SLC12A2: variants seen among roughly 807,000 people sequenced by gnomAD.
The protein encoded by SLC12A2 is Na-K-2Cl cotransporter 1.
In SLC12A2, 67 loss-of-function variants were observed where a neutral mutation model predicts 136.3. The observed-to-expected ratio is 0.49, with a 90% CI of 0.40 to 0.60. The LOEUF (loss-of-function observed/expected upper bound fraction) is 0.60, where lower values mean the gene tolerates loss of function less well. SLC12A2 is among the 20% of genes least tolerant of loss of function. The pLI is 0.00. For missense variants in SLC12A2, 1,322 were observed against 1,534.7 expected, an observed-to-expected ratio of 0.86 and a Z score of 2.32; for synonymous variants, 619 against 562.9, an observed-to-expected ratio of 1.10 and a Z score of -1.41.
intron 7 of SLC12A2, among the ~76,000 whole-genome samples, chr5:128,137,168 A>G (rs1332578244): frequency 6.6e-6 from 1 of 152,176 alleles, no homozygotes; most frequent in Non-Finnish European, 1.5e-5. Flanking sequence ...TTGGTTTTCC[A>G]TTTTATTTAG....
At chr5:128,097,010 A>G (rs1383675143) in intron 1 of SLC12A2, among the ~76,000 whole-genome samples, 1 of 152,068 alleles carries the variant, frequency 6.6e-6, no homozygotes, top group African/African-American at 2.4e-5. Flanking sequence ...GAAATTAACA[A>G]TGTTTTAAAT....
intron 13 of SLC12A2, among the ~76,000 whole-genome samples, chr5:128,150,443 A>G (rs1259683221): frequency 6.6e-6 from 1 of 151,798 alleles, no homozygotes; most frequent in East Asian, 1.9e-4. Flanking sequence ...AAATGGTTTT[A>G]ACACGATGAG....
At chr5:128,184,524 C>A in intron 25 of SLC12A2, 23 bp downstream of exon 25, 1 of 1,554,292 alleles carries the variant, frequency 6.4e-7, no homozygotes, top group South Asian at 1.2e-5. Context: ...GCTTCCTTTT[C>A]ATTAATCTTT....
intron 15 of SLC12A2, 30 bp from the exon 16 acceptor site, chr5:128,158,023 A>C (rs1355029378): frequency 6.4e-7 from 1 of 1,559,736 alleles, no homozygotes. Context: ...AAATTTATCT[A>C]ATTTTGTTTG....
At chr5:128,167,626 T>C (rs1763243645) in intron 17 of SLC12A2, 135 bp from the exon 18 acceptor site, 2 of 527,758 alleles carry the variant, frequency 3.8e-6, no homozygotes, top group Non-Finnish European at 6.6e-6. Context: ...TAAGTAAATA[T>C]GAATATGGAA....
chr5:128,152,570 A>G (rs1762738323), intron 14 of SLC12A2, 136 bp from the exon 15 acceptor site: 6 of 650,552 alleles, frequency 9.2e-6, no homozygotes, highest in South Asian at 7.0e-5. Context: ...TATGTGAACT[A>G]TTGAAAGTAC....
At chr5:128,171,571 A>G in intron 18 of SLC12A2, 96 bp from the exon 19 acceptor site, 1 of 762,078 alleles carries the variant, frequency 1.3e-6, no homozygotes, top group Non-Finnish European at 2.2e-6. Context: ...GCCGAAAGTA[A>G]TTTTAGAGAT....
chr5:128,155,817 G>T (rs1762854132), intron 15 of SLC12A2, among the ~76,000 whole-genome samples: 1 of 152,118 alleles, frequency 6.6e-6, no homozygotes, highest in South Asian at 2.1e-4. Context: ...TATCTTAAAG[G>T]CTTTCTTTTT....
At chr5:128,086,166 A>G (rs1448466110) in intron 1 of SLC12A2, among the ~76,000 whole-genome samples, 3 of 152,202 alleles carry the variant, frequency 2.0e-5, no homozygotes, top group African/African-American at 7.2e-5. Context: ...ATCTGTATTT[A>G]CCCATAAGTT....
intron 4 of SLC12A2, among the ~76,000 whole-genome samples, chr5:128,122,763 C>G (rs1761636988): frequency 6.6e-6 from 1 of 152,004 alleles, no homozygotes; most frequent in Middle Eastern, 3.2e-3. Flanking sequence ...CATTGATTGT[C>G]AAATTTTTTT....
Position 128,161,785 on chromosome 5 carries a change from A to G in SLC12A2, c.2601A>G (p.Ala867=). The G allele has an allele frequency of 6.8e-7, 1 of 1,475,418 alleles. No individual in the cohort carries two copies. The highest frequency in any genetic ancestry group is 9.0e-7 in the Non-Finnish European group (1 of 1,115,564). The allele number at this position is 1,475,418 out of a possible 1,614,324, so 91.4% of individuals were successfully genotyped here. Residue 867 remains alanine, a synonymous_variant, in exon 17 of 27, where the codon GCA becomes GCG. Transcript: ENST00000262461. ...ATGCAGATGACTTGAGAGAAGGTGC[A>G]CAGTATTTGATGCAGGTAACTTTGT... ...PVHADDLREG[A]QYLMQAAGLG...
intron 17 of SLC12A2, among the ~76,000 whole-genome samples, chr5:128,165,438 G>A (rs561804767): frequency 7.2e-5 from 11 of 152,128 alleles, no homozygotes; most frequent in South Asian, 2.1e-4. Context: ...TTTGAAATTC[G>A]TGCAATAAGC....
intron 4 of SLC12A2, among the ~76,000 whole-genome samples, chr5:128,129,335 A>T (rs1761932229): frequency 6.6e-6 from 1 of 152,108 alleles, no homozygotes; most frequent in African/African-American, 2.4e-5. Flanking sequence ...TTATAATGTG[A>T]TGTAATATAG....
chr5:128,096,951 G>A (rs1055971508), intron 1 of SLC12A2, among the ~76,000 whole-genome samples: 1 of 151,966 alleles, frequency 6.6e-6, no homozygotes, highest in African/African-American at 2.4e-5. Flanking sequence ...ATAAGAACAG[G>A]ACCTGAATTT....
In SLC12A2 at chr5:128,126,966, A is replaced by ATATATATATATATATATAATTTT; in HGVS notation, c.1049-4100_1049-4099insATATATATATATATATAATTTTT. ...CATATATATATATATATATATATAT[A>ATATATATATATATATATAATTTT]TTTTTTTTTTTTTTTTTTTTTGCAT... On this transcript the variant is annotated intron_variant, in intron 4 of 26. Transcript: ENST00000262461. Among the ~76,000 whole-genome samples, 31 of 21,158 alleles carry ATATATATATATATATATAATTTT rather than the reference A, an allele frequency of 1.5e-3. 1 individual carries two copies. The highest frequency in any genetic ancestry group is 7.2e-3 in the African/African-American group (29 of 4,028). The allele number at this position is 21,158 out of a possible 152,430, so 13.9% of individuals were successfully genotyped here. A position where few individuals can be genotyped will look rare whatever the true frequency, so the allele number is the denominator to read the frequency against.
chr5:128,124,568 A>G (rs890676583), intron 4 of SLC12A2, among the ~76,000 whole-genome samples: 3 of 152,252 alleles, frequency 2.0e-5, no homozygotes, highest in African/African-American at 4.8e-5. Context: ...AAAAGAGTTG[A>G]GTAAAGGATG....
intron 1 of SLC12A2, among the ~76,000 whole-genome samples, chr5:128,101,267 A>G (rs2126652851): frequency 6.6e-6 from 1 of 152,294 alleles, no homozygotes; most frequent in African/African-American, 2.4e-5. Context: ...AACAATTGTT[A>G]GAATAAAACC....
intron 23 of SLC12A2, among the ~76,000 whole-genome samples, chr5:128,181,346 C>A (rs1183721778): frequency 6.6e-6 from 1 of 152,120 alleles, no homozygotes; most frequent in Non-Finnish European, 1.5e-5. Flanking sequence ...GACTTCTAGA[C>A]AACAAAATGC....
intron 1 of SLC12A2, among the ~76,000 whole-genome samples, chr5:128,107,757 G>T (rs1461070027): frequency 1.3e-5 from 2 of 152,162 alleles, no homozygotes; most frequent in Admixed American, 6.5e-5. Context: ...ACACACGTGT[G>T]CATGTGTCTT....
Sources: gnomAD v4.1 joint callset for allele counts (sites outside exome capture counted in the v4.1 genomes callset) on GRCh38, gnomAD v4.1.1 for gene constraint, MANE v1.5 for transcripts, NCBI Gene and HGNC (gene_info 2026-07-23, HGNC 2026-07-21) for gene names.